KDM4C: variants seen among roughly 807,000 people sequenced by gnomAD.
KDM4C encodes the protein lysine-specific demethylase 4C.
A neutral mutation model predicts 129.3 loss-of-function variants in KDM4C; 81 were observed. The ratio of observed to expected loss-of-function variants is 0.63; its 90% CI spans 0.52 to 0.75. The LOEUF (loss-of-function observed/expected upper bound fraction) is 0.75, where lower values mean the gene tolerates loss of function less well. Ranked by LOEUF, KDM4C falls within the 30% of genes least tolerant of loss-of-function variation. KDM4C has a pLI of 0.00. For synonymous variants in KDM4C, 573 were observed against 456.1 expected, an observed-to-expected ratio of 1.26 and a Z score of -3.26; for missense variants, 1,457 against 1,304.0, an observed-to-expected ratio of 1.12 and a Z score of -1.81.
intron 4 of KDM4C, among the ~76,000 whole-genome samples, chr9:6,840,532 G>A (rs1297318066): frequency 6.6e-6 from 1 of 152,082 alleles, no homozygotes; most frequent in Admixed American, 6.5e-5. Flanking sequence ...GAGTAGCTGG[G>A]ACTACAGGCG....
At chr9:6,796,254 G>A (rs1827734884) in intron 2 of KDM4C, among the ~76,000 whole-genome samples, 1 of 152,258 alleles carries the variant, frequency 6.6e-6, no homozygotes, top group South Asian at 2.1e-4. Flanking sequence ...AGACCAGCCT[G>A]GCCAACATGG....
chr9:6,731,679 G>C (rs1258852808), intron 1 of KDM4C, among the ~76,000 whole-genome samples: 2 of 152,088 alleles, frequency 1.3e-5, no homozygotes, highest in African/African-American at 2.4e-5. Flanking sequence ...CCTAGCGCAT[G>C]AGCTCAGTTC....
At chr9:6,998,470 G>A (rs1217732878) in intron 12 of KDM4C, among the ~76,000 whole-genome samples, 1 of 152,120 alleles carries the variant, frequency 6.6e-6, no homozygotes, top group Non-Finnish European at 1.5e-5. Flanking sequence ...TCCTTAAATG[G>A]TTTTCTCTAG....
At chr9:7,170,554 T>C (rs1353388629) in intron 21 of KDM4C, 19 of 960,076 alleles carry the variant, frequency 2.0e-5, no homozygotes, top group Non-Finnish European at 2.2e-5. Flanking sequence ...TTCACAATAA[T>C]TTAGACTTCA....
chr9:7,133,920 T>G (rs59175248), intron 19 of KDM4C, among the ~76,000 whole-genome samples: 27,496 of 152,086 alleles, frequency 0.18, 2,610 homozygotes, highest in East Asian at 0.28. Context: ...GATTTTGAGG[T>G]GTCCTAGATG....
chr9:6,966,193 T>C (rs1310740266), intron 8 of KDM4C, among the ~76,000 whole-genome samples: 1 of 152,146 alleles, frequency 6.6e-6, no homozygotes, highest in African/African-American at 2.4e-5. Flanking sequence ...CCTAATACTT[T>C]TTTTTTTTAG....
chr9:6,801,921 A>G (rs897684095), intron 2 of KDM4C, among the ~76,000 whole-genome samples: 1 of 152,020 alleles, frequency 6.6e-6, no homozygotes, highest in South Asian at 2.1e-4. Context: ...CCTGGCCAAC[A>G]TAGTGAAACC....
intron 5 of KDM4C, among the ~76,000 whole-genome samples, chr9:6,856,907 G>A (rs930378304): frequency 3.3e-5 from 5 of 151,794 alleles, no homozygotes; most frequent in Non-Finnish European, 5.9e-5. Flanking sequence ...ACAGGCGCCC[G>A]CCACCGCGCC....
intron 5 of KDM4C, among the ~76,000 whole-genome samples, chr9:6,862,172 G>A (rs144397131): frequency 6.6e-6 from 1 of 152,120 alleles, no homozygotes; most frequent in Non-Finnish European, 1.5e-5. Flanking sequence ...TTTCCTTTAA[G>A]TGTGGTTAAA....
intron 8 of KDM4C, among the ~76,000 whole-genome samples, chr9:6,921,410 C>T (rs1285798053): frequency 1.3e-5 from 2 of 152,170 alleles, no homozygotes; most frequent in East Asian, 3.8e-4. Flanking sequence ...CATTTAGTGG[C>T]AACTCTGTTT....
rs991468961 is a variant in KDM4C, at chr9:6,990,311, T to C, written c.1678-105T>C. 6 of 769,482 alleles carry C rather than the reference T, an allele frequency of 7.8e-6. No homozygotes were observed. In the Admixed American group the frequency reaches 1.2e-4, roughly 16 times the overall value. 47.7% of individuals were successfully genotyped at this position (769,482 alleles called of 1,614,324 possible). A position where few individuals can be genotyped will look rare whatever the true frequency, so the allele number is the denominator to read the frequency against. On this transcript the variant is annotated intron_variant, in intron 11 of 21. Transcript: ENST00000381309. ...CCCCAAGAGGTAAACAACCACAAGATTTCTTCAACATTAAGTGATAAATAA... is the reference window on the plus strand; with the variant it reads ...CCCCAAGAGGTAAACAACCACAAGACTTCTTCAACATTAAGTGATAAATAA...
chr9:6,974,378 G>A (rs372343175), intron 8 of KDM4C, among the ~76,000 whole-genome samples: 3 of 152,114 alleles, frequency 2.0e-5, no homozygotes, highest in Non-Finnish European at 2.9e-5. Flanking sequence ...TCTTTCTTTT[G>A]AGACGGAGTC....
chr9:6,951,140 C>A (rs563180608), intron 8 of KDM4C, among the ~76,000 whole-genome samples: 6 of 152,022 alleles, frequency 3.9e-5, no homozygotes, highest in African/African-American at 1.4e-4. Flanking sequence ...AATTCACATA[C>A]CCATCATCTC....
At chr9:7,096,552 A>G (rs1330962889) in intron 17 of KDM4C, among the ~76,000 whole-genome samples, 1 of 152,220 alleles carries the variant, frequency 6.6e-6, no homozygotes, top group African/African-American at 2.4e-5. Flanking sequence ...TCAGACTGTG[A>G]AGTCAGACAG....
rs967122996 is a variant in KDM4C, at chr9:7,165,307, A to G, written c.2851A>G (p.Lys951Glu). The G allele has an allele frequency of 1.9e-6, 3 of 1,614,218 alleles. No individual in the cohort carries two copies. The highest frequency in any genetic ancestry group is 1.3e-5 in the African/African-American group (1 of 75,058). ...CGTCCAAGTCAAGTGGCCCGATGGC[A>G]AACTCTATGGAGCAAAATATTTTGG... ...EVVQVKWPDGKLYGAKYFGSN... is the reference protein window; with the variant it reads ...EVVQVKWPDGELYGAKYFGSN... The change falls in exon 20 of 22, where the codon AAA (lysine) becomes GAA (glutamate). Residue 951 changes from lysine to glutamate, a missense_variant. Coordinates refer to ENST00000381309, the MANE Select transcript of KDM4C (RefSeq NM_015061.6).
At chr9:6,948,812 G>T (rs1046352514) in intron 8 of KDM4C, among the ~76,000 whole-genome samples, 18 of 152,148 alleles carry the variant, frequency 1.2e-4, no homozygotes, top group Non-Finnish European at 1.5e-4. Context: ...TAAGGTCATA[G>T]ATCAACAGGA....
intron 17 of KDM4C, among the ~76,000 whole-genome samples, chr9:7,052,899 G>GTTGTAC (rs1830382927): frequency 1.0e-4 from 1 of 9,988 alleles, no homozygotes; most frequent in African/African-American, 4.7e-4. Context: ...GAGAGAGAGA[G>GTTGTAC]AGCGAGCGAG....
intron 18 of KDM4C, among the ~76,000 whole-genome samples, chr9:7,115,035 C>T (rs1838744071): frequency 2.0e-5 from 3 of 152,128 alleles, no homozygotes; most frequent in African/African-American, 4.8e-5. Flanking sequence ...GCCAAGATTG[C>T]GCCACTGCAC....
intron 1 of KDM4C, chr9:6,721,179 T>C: frequency 2.0e-6 from 1 of 496,508 alleles, no homozygotes. Flanking sequence ...GCTCAGGTGA[T>C]TCTCCCACCC....
Sources: allele counts gnomAD v4.1 joint callset (sites outside exome capture counted in the v4.1 genomes callset), GRCh38; gene constraint gnomAD v4.1.1; transcripts MANE v1.5; gene names NCBI Gene and HGNC (gene_info 2026-07-23, HGNC 2026-07-21).